OR1J2: variants seen among roughly 807,000 people sequenced by gnomAD.
OR1J2 encodes olfactory receptor 1J2.
For synonymous variants in OR1J2, 142 were observed against 99.7 expected (o/e 1.42, Z -2.52); for missense variants, 304 against 246.1 (o/e 1.24, Z -1.57).
At chr9:122,505,461 G>A in the OR1J2 span, among the ~76,000 whole-genome samples, 4 of 152,102 alleles carry the variant, frequency 2.6e-5, no homozygotes, top group Admixed American at 6.6e-5. Context: ...TAAGGGCAGA[G>A]CCCTCAAGAC....
At chr9:122,572,580 T>G in the OR1J2 span, among the ~76,000 whole-genome samples, 6 of 64,102 alleles carry the variant, frequency 9.4e-5, no homozygotes, top group Non-Finnish European at 1.9e-4. Flanking sequence ...TTGGGTTTGG[T>G]TTTTTTTTTT....
the OR1J2 span, among the ~76,000 whole-genome samples, chr9:122,487,833 AGTCAACTC>A: frequency 6.6e-6 from 1 of 152,214 alleles, no homozygotes; most frequent in African/African-American, 2.4e-5. Context: ...CACCAAGGAC[AGTCAACTC>A]CTATGGGAAT....
chr9:122,553,555 A>G, the OR1J2 span: 82 of 1,613,904 alleles, frequency 5.1e-5, no homozygotes, highest in Non-Finnish European at 6.9e-5. Context: ...GGCCTTGACA[A>G]CTGCCTGCTG....
chr9:122,542,526 A>C, the OR1J2 span, among the ~76,000 whole-genome samples: 2 of 152,162 alleles, frequency 1.3e-5, no homozygotes, highest in Non-Finnish European at 2.9e-5. Context: ...TGTATTAGAA[A>C]ATTTTAAAAA....
chr9:122,447,704 C>T, the OR1J2 span, among the ~76,000 whole-genome samples: 1 of 152,114 alleles, frequency 6.6e-6, no homozygotes, highest in Non-Finnish European at 1.5e-5. Context: ...CTTTCCTCCG[C>T]TCCTCCTTCC....
the OR1J2 span, among the ~76,000 whole-genome samples, chr9:122,467,948 A>G: frequency 2.0e-5 from 3 of 152,220 alleles, no homozygotes; most frequent in Non-Finnish European, 4.4e-5. Flanking sequence ...AAGCCAACCA[A>G]TATCTTCTTG....
chr9:122,470,510 A>T, the OR1J2 span, among the ~76,000 whole-genome samples: 1 of 152,186 alleles, frequency 6.6e-6, no homozygotes, highest in Non-Finnish European at 1.5e-5. Flanking sequence ...GGCAGGGTGC[A>T]AGGGAAATGT....
At chr9:122,501,408 C>T in the OR1J2 span, among the ~76,000 whole-genome samples, 1 of 152,128 alleles carries the variant, frequency 6.6e-6, no homozygotes, top group African/African-American at 2.4e-5. Flanking sequence ...ATTAAGCATC[C>T]TCACATAGGA....
At chr9:122,476,696 A>C in the OR1J2 span, among the ~76,000 whole-genome samples, 2 of 152,028 alleles carry the variant, frequency 1.3e-5, no homozygotes, top group African/African-American at 4.8e-5. Context: ...TTTTTTACTC[A>C]ATAATTTTTT....
chr9:122,509,302 T>C (rs573499069), upstream of OR1J2, among the ~76,000 whole-genome samples: 12 of 152,286 alleles, frequency 7.9e-5, 1 homozygote, highest in South Asian at 2.5e-3. Context: ...AAGAGGGAGC[T>C]GAAAACTTGG....
At chr9:122,574,661 C>A in the OR1J2 span, among the ~76,000 whole-genome samples, 1 of 152,050 alleles carries the variant, frequency 6.6e-6, no homozygotes, top group Admixed American at 6.6e-5. Context: ...TTCTTTCCTT[C>A]AAATCTGTAT....
At chr9:122,518,411 G>A in the OR1J2 span, among the ~76,000 whole-genome samples, 3 of 152,284 alleles carry the variant, frequency 2.0e-5, no homozygotes, top group South Asian at 4.1e-4. Flanking sequence ...TTGGTTTCTG[G>A]TGCGGGTCCA....
At chr9:122,533,806 G>A in the OR1J2 span, among the ~76,000 whole-genome samples, 1 of 152,088 alleles carries the variant, frequency 6.6e-6, no homozygotes, top group Non-Finnish European at 1.5e-5. Context: ...TTAAGAAGGG[G>A]ACGGACTTAC....
At chr9:122,530,385 G>A in the OR1J2 span, among the ~76,000 whole-genome samples, 88,561 of 152,050 alleles carry the variant, frequency 0.58, 27,793 homozygotes, top group East Asian at 0.87. Context: ...TCAGGCTACT[G>A]CCAGGAGGAG....
chr9:122,541,243 G>C, the OR1J2 span, among the ~76,000 whole-genome samples: 2 of 152,150 alleles, frequency 1.3e-5, no homozygotes, highest in East Asian at 3.9e-4. Flanking sequence ...TGAGTTAGCA[G>C]ATGCATGAAA....
At chr9:122,477,703 G>A in the OR1J2 span, 56 of 1,614,060 alleles carry the variant, frequency 3.5e-5, no homozygotes, top group Non-Finnish European at 4.7e-5. Flanking sequence ...GACAGTGACA[G>A]ATGAAAAGGA....
the OR1J2 span, among the ~76,000 whole-genome samples, chr9:122,483,151 G>C: frequency 6.6e-6 from 1 of 152,046 alleles, no homozygotes; most frequent in Non-Finnish European, 1.5e-5. Flanking sequence ...AAATAAAAAG[G>C]TTCATCGATT....
At chr9:122,454,718 A>G in the OR1J2 span, among the ~76,000 whole-genome samples, 1 of 152,192 alleles carries the variant, frequency 6.6e-6, no homozygotes, top group Non-Finnish European at 1.5e-5. Context: ...GCATAGGGCT[A>G]GAAAGGCAAA....
At chr9:122,468,425 A>G in the OR1J2 span, among the ~76,000 whole-genome samples, 2 of 152,194 alleles carry the variant, frequency 1.3e-5, no homozygotes, top group African/African-American at 2.4e-5. Flanking sequence ...ACATAAATTT[A>G]CCAAACCTGA....
Sources: gnomAD v4.1 joint callset for allele counts (sites outside exome capture counted in the v4.1 genomes callset) on GRCh38, gnomAD v4.1.1 for gene constraint, MANE v1.5 for transcripts, NCBI Gene and HGNC (gene_info 2026-07-23, HGNC 2026-07-21) for gene names.